The following FNDC3A variants were observed in gnomAD, a reference collection of about 807,000 sequenced individuals.
FNDC3A encodes the protein fibronectin type-III domain-containing protein 3A.
FNDC3A carries 32 observed loss-of-function variants against 148.9 expected under a neutral mutation model. That is an observed-to-expected ratio of 0.21 (90% CI 0.16 to 0.29). The LOEUF (loss-of-function observed/expected upper bound fraction) is 0.29. FNDC3A is among the 10% of genes least tolerant of loss of function. The probability of loss-of-function intolerance (pLI) is 1.00; values close to 1 mark genes in which losing one functional copy is unlikely to be tolerated. For missense variants in FNDC3A, 1,191 were observed against 1,452.8 expected (o/e 0.82, Z 2.93); for synonymous variants, 472 against 473.6 (o/e 1.00, Z 0.04).
intron 2 of FNDC3A, among the ~76,000 whole-genome samples, chr13:49,051,771 A>T (rs908567240): frequency 1.3e-5 from 2 of 152,164 alleles, no homozygotes; most frequent in Non-Finnish European, 2.9e-5. Flanking sequence ...TACGTTTTCC[A>T]AACTTTTAGG....
At chr13:49,062,706 A>C (rs1876981126) in intron 2 of FNDC3A, among the ~76,000 whole-genome samples, 1 of 152,136 alleles carries the variant, frequency 6.6e-6, no homozygotes, top group South Asian at 2.1e-4. Context: ...GGATGCTTAT[A>C]ATGCATTGCT....
intron 14 of FNDC3A, among the ~76,000 whole-genome samples, chr13:49,183,893 A>C (rs570096489): frequency 6.6e-6 from 1 of 152,336 alleles, no homozygotes; most frequent in Admixed American, 6.5e-5. Context: ...TCATTCATTC[A>C]ACCAATATCT....
chr13:48,990,003 G>A (rs551477270), intron 1 of FNDC3A, among the ~76,000 whole-genome samples: 15 of 152,062 alleles, frequency 9.9e-5, no homozygotes, highest in East Asian at 1.9e-4. Context: ...GCCCACCTTC[G>A]CCTCCCAAAG....
In FNDC3A at chr13:49,053,080, C is replaced by A. The variant is rs567644305; in HGVS notation, c.100-22209C>A. Among the ~76,000 whole-genome samples the A allele has an allele frequency of 1.3e-4, 20 of 152,320 alleles. 1 individual carries two copies. The South Asian group carries it at 4.1e-3, about 32-fold the overall frequency. ...GCCAGTCTCATTCCAACTGTAACTC[C>A]CCAACAGCACCGAGTCTATTTCTAG... On this transcript the variant is annotated intron_variant, in intron 2 of 25. Transcript: ENST00000492622.
chr13:49,069,724 TC>T (rs1455615145), intron 2 of FNDC3A, among the ~76,000 whole-genome samples: 1 of 152,190 alleles, frequency 6.6e-6, no homozygotes, highest in Non-Finnish European at 1.5e-5. Flanking sequence ...TTATAGCACT[TC>T]TCTCACCAGT....
intron 2 of FNDC3A, among the ~76,000 whole-genome samples, chr13:49,017,417 T>A (rs1872891178): frequency 6.6e-6 from 1 of 152,212 alleles, no homozygotes; most frequent in African/African-American, 2.4e-5. Flanking sequence ...GATACTAGGA[T>A]TGCAACCCCT....
chr13:49,020,283 C>T (rs969254659), intron 2 of FNDC3A, among the ~76,000 whole-genome samples: 7 of 151,892 alleles, frequency 4.6e-5, no homozygotes, highest in African/African-American at 1.7e-4. Context: ...TAATGATACA[C>T]GATTTGAGAA....
intron 8 of FNDC3A, among the ~76,000 whole-genome samples, chr13:49,154,616 T>G (rs1883544195): frequency 1.8e-4 from 1 of 5,436 alleles, no homozygotes; most frequent in Non-Finnish European, 3.4e-4. Context: ...AAGGGAATGC[T>G]TCCAGTTTTT....
chr13:48,988,457 A>G (rs1034424316), intron 1 of FNDC3A, among the ~76,000 whole-genome samples: 1 of 152,224 alleles, frequency 6.6e-6, no homozygotes, highest in Non-Finnish European at 1.5e-5. Flanking sequence ...GATATGTATC[A>G]TTATACATTA....
chr13:49,139,351 T>G (rs901713201), intron 7 of FNDC3A, among the ~76,000 whole-genome samples: 5 of 152,174 alleles, frequency 3.3e-5, no homozygotes, highest in African/African-American at 1.2e-4. Flanking sequence ...TCAGCCAGAA[T>G]AAGGCAATTT....
chr13:49,207,334 T>G lies in FNDC3A; in HGVS notation c.3536T>G (p.Val1179Gly). ...SDEQCAAVIL[V>G]LFAFFSILIA... ...GAGCAGTGTGCTGCCGTCATCCTTG[T>G]GCTGTTTGCTTTCTTTTCCATTTTG... is the stretch of plus-strand genomic sequence containing the variant. The change falls in exon 26 of 26, where the codon GTG becomes GGG. Residue 1179 changes from valine (V) to glycine (G), a missense_variant. This residue lies in a region of FNDC3A where 751 missense variants were observed against 944.0 expected (regional missense o/e 0.80). Transcript: ENST00000492622. 6.2e-7 allele frequency: 1 copy of G among 1,613,828 alleles called. No homozygotes were observed. Among genetic ancestry groups the G allele is most frequent in the East Asian group, 2.2e-5 (1 of 44,870 alleles).
intron 2 of FNDC3A, among the ~76,000 whole-genome samples, chr13:49,063,990 C>T (rs1313433529): frequency 6.6e-6 from 1 of 152,050 alleles, no homozygotes; most frequent in East Asian, 1.9e-4. Context: ...ACGACTATTA[C>T]AAATCAGTGG....
intron 19 of FNDC3A, among the ~76,000 whole-genome samples, chr13:49,193,853 G>A (rs1388090120): frequency 1.3e-5 from 2 of 152,072 alleles, no homozygotes; most frequent in Admixed American, 1.3e-4. Flanking sequence ...CTGGGAGGCG[G>A]AGGTTACAGT....
chr13:49,114,616 C>T (rs1389230614), intron 3 of FNDC3A, 39 bp from the exon 4 acceptor site: 1 of 1,356,606 alleles, frequency 7.4e-7, no homozygotes, highest in Non-Finnish European at 1.1e-6. Flanking sequence ...GCCTGATAAG[C>T]AATCATGGGT....
rs527943506 is a variant in FNDC3A, at chr13:49,075,246, C to CT, written c.100-35dup. 430 of 1,208,330 alleles carry CT rather than the reference C, an allele frequency of 3.6e-4. 1 individual carries two copies. The highest frequency in any genetic ancestry group is 2.8e-3 in the African/African-American group (186 of 65,646). The allele number at this position is 1,208,330 out of a possible 1,614,324, so 74.9% of individuals were successfully genotyped here. ...GTTACTATTTTTATATTCTGATTTG[C>CT]TTTTTTTTGTTTTGATTAATACTTC... On this transcript the variant is annotated intron_variant, in intron 2 of 25. Coordinates refer to ENST00000492622, the MANE Select transcript of FNDC3A (RefSeq NM_001079673.2).
At chr13:49,199,180 C>T (rs1008018914) in intron 23 of FNDC3A, among the ~76,000 whole-genome samples, 4 of 152,064 alleles carry the variant, frequency 2.6e-5, no homozygotes, top group African/African-American at 7.2e-5. Flanking sequence ...GCCACTACAC[C>T]TGGCTAATTT....
intron 2 of FNDC3A, among the ~76,000 whole-genome samples, chr13:49,010,531 G>A (rs578134617): frequency 2.0e-5 from 3 of 152,206 alleles, no homozygotes; most frequent in East Asian, 3.9e-4. Context: ...GGATGCCAAC[G>A]GACAAATAAA....
chr13:49,205,092 C>T (rs894176312), intron 25 of FNDC3A, among the ~76,000 whole-genome samples: 3 of 152,202 alleles, frequency 2.0e-5, no homozygotes, highest in African/African-American at 7.2e-5. Flanking sequence ...CACAGCCTCA[C>T]GATTAGGATT....
chr13:49,161,006 C>A (rs1884071470), intron 8 of FNDC3A, among the ~76,000 whole-genome samples: 1 of 152,096 alleles, frequency 6.6e-6, no homozygotes, highest in Non-Finnish European at 1.5e-5. Flanking sequence ...AATTTCTGTT[C>A]TTTTACATTT....
Sources: gnomAD v4.1 joint callset for allele counts (sites outside exome capture counted in the v4.1 genomes callset) on GRCh38, gnomAD v4.1.1 for gene constraint, gnomAD v4.1.1 regional missense constraint, MANE v1.5 for transcripts, NCBI Gene and HGNC (gene_info 2026-07-23, HGNC 2026-07-21) for gene names.